The following MRTFA variants were observed in gnomAD, a reference collection of about 807,000 sequenced individuals.
The protein encoded by MRTFA is myocardin related transcription factor A.
Under a neutral mutation model 83.5 loss-of-function variants are expected in MRTFA, and 20 were observed. The ratio of observed to expected loss-of-function variants is 0.24; its 90% CI spans 0.17 to 0.35. The LOEUF is 0.35. Among genes scored for constraint, MRTFA ranks in the 10% least tolerant of loss-of-function variants. The pLI is 1.00. For missense variants in MRTFA, 1,200 were observed against 1,224.7 expected (o/e 0.98, Z 0.30); for synonymous variants, 659 against 541.2 (o/e 1.22, Z -3.02).
intron 3 of MRTFA, among the ~76,000 whole-genome samples, chr22:40,477,298 C>T (rs1016025952): frequency 1.5e-4 from 23 of 151,322 alleles, no homozygotes; most frequent in African/African-American, 3.9e-4. Flanking sequence ...TGCAGTGAGC[C>T]GAGATCACGC....
At chr22:40,533,838 C>T (rs980634034) in intron 3 of MRTFA, 16 of 382,528 alleles carry the variant, frequency 4.2e-5, no homozygotes, top group East Asian at 7.4e-5. Flanking sequence ...GAATTACTGC[C>T]GACAGGAAAC....
rs6001934 is a variant in MRTFA, at chr22:40,487,339, T to C, written c.242-24053A>G. Reference sequence around the variant, plus strand: ...ACACCACTATACATTTATATAATACTTTACAAAGCTACTTTCATACGTATC... The same window carrying C: ...ACACCACTATACATTTATATAATACCTTACAAAGCTACTTTCATACGTATC... On this transcript the variant is annotated intron_variant, in intron 3 of 14. Transcript: ENST00000355630. Among the ~76,000 whole-genome samples, 1,123 of 152,340 alleles carry C rather than the reference T, an allele frequency of 7.4e-3. 25 individuals carry two copies. The Middle Eastern group carries it at 0.075, about 10-fold the overall frequency.
chr22:40,634,373 G>A (rs1005256361), intron 1 of MRTFA, among the ~76,000 whole-genome samples: 12 of 152,208 alleles, frequency 7.9e-5, no homozygotes, highest in Non-Finnish European at 1.2e-4. Context: ...GATTACAGGC[G>A]TAAGCCACTG....
intron 3 of MRTFA, among the ~76,000 whole-genome samples, chr22:40,512,080 T>A (rs1441041969): frequency 2.0e-5 from 3 of 152,202 alleles, no homozygotes; most frequent in Non-Finnish European, 4.4e-5. Context: ...TAGGTCACTA[T>A]GAAATTAGTT....
chr22:40,504,752 G>C (rs958166665), intron 3 of MRTFA, among the ~76,000 whole-genome samples: 9 of 152,174 alleles, frequency 5.9e-5, no homozygotes, highest in Non-Finnish European at 1.3e-4. Context: ...GTGTGACAAA[G>C]GCCATGCCAC....
chr22:40,541,513 A>G (rs2055290189), intron 3 of MRTFA, among the ~76,000 whole-genome samples: 1 of 152,184 alleles, frequency 6.6e-6, no homozygotes, highest in Non-Finnish European at 1.5e-5. Context: ...GCAAGTTGCT[A>G]CAGGTCCTGA....
intron 5 of MRTFA, among the ~76,000 whole-genome samples, chr22:40,435,057 G>GC (rs1443729122): frequency 6.6e-6 from 1 of 152,190 alleles, no homozygotes; most frequent in African/African-American, 2.4e-5. Context: ...AAGGTTTCCT[G>GC]CCCCTTGGAA....
chr22:40,573,832 A>G (rs1243612216), intron 2 of MRTFA, among the ~76,000 whole-genome samples: 1 of 152,106 alleles, frequency 6.6e-6, no homozygotes, highest in Non-Finnish European at 1.5e-5. Flanking sequence ...GAACTTTGGG[A>G]GGCTGAGGCA....
At chr22:40,566,293 T>G (rs537026694) in intron 2 of MRTFA, among the ~76,000 whole-genome samples, 4 of 151,852 alleles carry the variant, frequency 2.6e-5, no homozygotes, top group African/African-American at 9.7e-5. Context: ...TGATCTCGGC[T>G]TACTGCAGCC....
At chr22:40,500,387 TTTTA>T (rs1323946586) in intron 3 of MRTFA, among the ~76,000 whole-genome samples, 1 of 150,148 alleles carries the variant, frequency 6.7e-6, no homozygotes, top group African/African-American at 2.4e-5. Flanking sequence ...TTTTTTATAT[TTTTA>T]TTTTTTTTAA....
chr22:40,445,455 A>G (rs1422736285), intron 4 of MRTFA, among the ~76,000 whole-genome samples: 1 of 152,198 alleles, frequency 6.6e-6, no homozygotes, highest in African/African-American at 2.4e-5. Context: ...CCTACAGTCC[A>G]TATCTGAATT....
At chr22:40,599,906 A>C (rs1037837260) in intron 1 of MRTFA, among the ~76,000 whole-genome samples, 16 of 151,338 alleles carry the variant, frequency 1.1e-4, no homozygotes, top group Non-Finnish European at 5.9e-5. Flanking sequence ...GTGTCTTTAA[A>C]AAAAAAAAAA....
At chr22:40,521,444 A>G (rs1884010053) in intron 3 of MRTFA, among the ~76,000 whole-genome samples, 1 of 152,136 alleles carries the variant, frequency 6.6e-6, no homozygotes, top group African/African-American at 2.4e-5. Context: ...TAAAACGTTT[A>G]AAGTTTGCCC....
intron 4 of MRTFA, among the ~76,000 whole-genome samples, chr22:40,451,806 C>A (rs1309648147): frequency 6.6e-6 from 1 of 152,080 alleles, no homozygotes; most frequent in Admixed American, 6.6e-5. Flanking sequence ...TATTTTCACT[C>A]CAGTATACTT....
intron 3 of MRTFA, among the ~76,000 whole-genome samples, chr22:40,495,894 G>T (rs920681145): frequency 1.3e-5 from 2 of 149,080 alleles, no homozygotes; most frequent in Non-Finnish European, 3.0e-5. Flanking sequence ...GGTGAAACTC[G>T]GTCTCTACTA....
chr22:40,417,706 C>T (rs945702063), intron 12 of MRTFA: 4 of 557,072 alleles, frequency 7.2e-6, no homozygotes, highest in South Asian at 4.3e-5. Flanking sequence ...GTGCCTGGCC[C>T]CTTGAGGTTT....
At chr22:40,423,777 C>T (rs2052894339) in intron 8 of MRTFA, 92 bp from the exon 9 acceptor site, 3 of 1,221,268 alleles carry the variant, frequency 2.5e-6, no homozygotes, top group African/African-American at 1.6e-5. Context: ...TCAGACGCCA[C>T]CATTGTCAGA....
At chr22:40,487,680 A>G (rs1740485403) in intron 3 of MRTFA, among the ~76,000 whole-genome samples, 1 of 152,256 alleles carries the variant, frequency 6.6e-6, no homozygotes, top group African/African-American at 2.4e-5. Flanking sequence ...TAATCAAGAT[A>G]TTTATAGAAA....
At chr22:40,488,635 C>A (rs1452476386) in intron 3 of MRTFA, among the ~76,000 whole-genome samples, 1 of 152,092 alleles carries the variant, frequency 6.6e-6, no homozygotes, top group Non-Finnish European at 1.5e-5. Context: ...AGTTCGAGAC[C>A]AGCCTGGCTA....
Sources: allele counts gnomAD v4.1 joint callset (sites outside exome capture counted in the v4.1 genomes callset), GRCh38; gene constraint gnomAD v4.1.1; transcripts MANE v1.5; gene names NCBI Gene and HGNC (gene_info 2026-07-23, HGNC 2026-07-21).